Variants in COQ8B observed in about 807,000 individuals in gnomAD.
The protein encoded by COQ8B is atypical kinase COQ8B, mitochondrial.
A neutral mutation model predicts 62.0 loss-of-function variants in COQ8B; 44 were observed. The ratio of observed to expected loss-of-function variants is 0.71; its 90% confidence interval spans 0.56 to 0.91. The LOEUF is 0.91. Ranked by LOEUF, COQ8B falls within the 40% of genes least tolerant of loss-of-function variation. The probability of loss-of-function intolerance (pLI) is 0.00; values close to 1 mark genes in which losing one functional copy is unlikely to be tolerated. For missense variants in COQ8B, 649 were observed against 731.6 expected, an observed-to-expected ratio of 0.89 and a Z score of 1.30; for synonymous variants, 252 against 289.9, an observed-to-expected ratio of 0.87 and a Z score of 1.33.
At chr19:40,716,135 G>A (rs895448654) in intron 1 of COQ8B, among the ~76,000 whole-genome samples, 1 of 152,046 alleles carries the variant, frequency 6.6e-6, no homozygotes, top group Admixed American at 6.6e-5. Flanking sequence ...GAGGTACTAG[G>A]TGGGCTCCTG....
chr19:40,696,899 C>G (rs1168648781), intron 12 of COQ8B, among the ~76,000 whole-genome samples: 1 of 152,324 alleles, frequency 6.6e-6, no homozygotes, highest in African/African-American at 2.4e-5. Context: ...CTGTCGTTCT[C>G]CTGCAACTTG....
chr19:40,694,355 T>A (rs1244233824), intron 13 of COQ8B, among the ~76,000 whole-genome samples: 1 of 152,230 alleles, frequency 6.6e-6, no homozygotes, highest in Non-Finnish European at 1.5e-5. Flanking sequence ...AAATTCTGAC[T>A]GCATCCCTTC....
chr19:40,715,056 C>G (rs2082175151), intron 1 of COQ8B: 32 of 991,380 alleles, frequency 3.2e-5, no homozygotes, highest in East Asian at 1.1e-4. Flanking sequence ...TAAGCACCCA[C>G]TGCTCTCAGC....
intron 5 of COQ8B, chr19:40,708,100 A>C (rs2082114552): frequency 6.6e-6 from 1 of 152,186 alleles, no homozygotes; most frequent in African/African-American, 2.4e-5. Flanking sequence ...CTTTGCACAG[A>C]GGCCGTGCTA....
At chr19:40,700,654 T>G in intron 10 of COQ8B, 1 of 624,758 alleles carries the variant, frequency 1.6e-6, no homozygotes, top group Non-Finnish European at 2.7e-6. Context: ...CCAAGGTGCC[T>G]ACTCTGCACC....
chr19:40,707,482 G>A (rs868582901), intron 5 of COQ8B, among the ~76,000 whole-genome samples: 1 of 149,362 alleles, frequency 6.7e-6, no homozygotes, highest in Non-Finnish European at 1.5e-5. Context: ...ACAGTGTCTC[G>A]CTCTGTCTCC....
chr19:40,713,269 C>T (rs1345639606), intron 4 of COQ8B, among the ~76,000 whole-genome samples: 2 of 152,162 alleles, frequency 1.3e-5, no homozygotes, highest in Non-Finnish European at 2.9e-5. Flanking sequence ...CTTGGGAAGG[C>T]TGAGGCAGGC....
At position 40,692,346 on chromosome 19, in the gene COQ8B, C is replaced by T. The variant is rs763929551; in HGVS notation, c.1324G>A (p.Val442Met). Reference protein sequence around the residue: ...KAFSDAHVEAVMILGEPFATQ... With the variant: ...KAFSDAHVEAMMILGEPFATQ... ...GCGAAAGGCTCCCCCAGGATCATCA[C>T]TGCCTCCACGTGGGCGTCGGAGAAT... The change falls in exon 15 of 15, where the codon GTG (valine) becomes ATG (methionine). Residue 442 changes from valine (V) to methionine (M), a missense_variant. By Grantham distance (21) the Val-to-Met change is conservative. Transcript: ENST00000324464. 1.1e-5 allele frequency: 17 copies of T among 1,613,504 alleles called. No homozygotes were observed. The African/African-American group carries it at 2.1e-4, about 20-fold the overall frequency.
At chr19:40,696,792 CATTT>C (rs1448303500) in intron 12 of COQ8B, among the ~76,000 whole-genome samples, 1 of 152,164 alleles carries the variant, frequency 6.6e-6, no homozygotes, top group African/African-American at 2.4e-5. Context: ...CTGAAATTCT[CATTT>C]ATGCATTTCT....
intron 14 of COQ8B, 30 bp downstream of exon 14, chr19:40,692,921 C>T (rs2081985318): frequency 6.2e-7 from 1 of 1,604,308 alleles, no homozygotes; most frequent in Non-Finnish European, 8.5e-7. Context: ...CAACAGACAC[C>T]AGCCCCTTTC....
At position 40,713,946 on chromosome 19, in the gene COQ8B, GTC is replaced by G. The variant is rs946789854; in HGVS notation, c.289+119_289+120del. The stretch of plus-strand genomic sequence containing the variant: ...CTTGGCCTTGCAGGCCCTTGCCTTT[GTC>G]TCTCTTTTTTTGTCTCTCTCTCTTT... On this transcript the variant is annotated intron_variant, in intron 4 of 14. Transcript: ENST00000324464. 5 of 1,089,372 alleles carry G rather than the reference GTC, an allele frequency of 4.6e-6. No individual in the cohort carries two copies. The African/African-American group carries it at 6.3e-5, about 14-fold the overall frequency. The allele number at this position is 1,089,372 out of a possible 1,614,324, so 67.5% of individuals were successfully genotyped here. A position where few individuals can be genotyped will look rare whatever the true frequency, so the allele number is the denominator to read the frequency against.
intron 5 of COQ8B, among the ~76,000 whole-genome samples, chr19:40,705,995 A>G (rs2082098272): frequency 6.6e-6 from 1 of 152,092 alleles, no homozygotes; most frequent in Non-Finnish European, 1.5e-5. Context: ...AAATTGCAGG[A>G]GAGTCAAAGA....
At chr19:40,695,669 T>C (rs2144684191) in intron 13 of COQ8B, among the ~76,000 whole-genome samples, 1 of 152,224 alleles carries the variant, frequency 6.6e-6, no homozygotes, top group African/African-American at 2.4e-5. Flanking sequence ...ACCACCTGAA[T>C]TTGAATCCCA....
At position 40,707,121 on chromosome 19, in the gene COQ8B, T is replaced by C. The variant is rs2082106327; in HGVS notation, c.368-1674A>G. Among the ~76,000 whole-genome samples the C allele has an allele frequency of 5.9e-5, 9 of 151,894 alleles. No individual in the cohort carries two copies. The South Asian group carries it at 1.9e-3, about 32-fold the overall frequency. Reference sequence around the variant, plus strand: ...CTGTTTCTACAAAAAATACAAAAATTAGCTGGGCATGGTGGTGCATGCCTA... The same window carrying C: ...CTGTTTCTACAAAAAATACAAAAATCAGCTGGGCATGGTGGTGCATGCCTA... On this transcript the variant is annotated intron_variant, in intron 5 of 14. Coordinates refer to ENST00000324464, the MANE Select transcript of COQ8B (RefSeq NM_024876.4).
At chr19:40,708,324 T>C (rs2082116288) in intron 5 of COQ8B, among the ~76,000 whole-genome samples, 1 of 152,014 alleles carries the variant, frequency 6.6e-6, no homozygotes, top group South Asian at 2.1e-4. Flanking sequence ...CACTCTAGCC[T>C]GGGTGACAGC....
chr19:40,695,846 G>T, intron 13 of COQ8B, 143 bp downstream of exon 13: 1 of 812,412 alleles, frequency 1.2e-6, no homozygotes, highest in Non-Finnish European at 2.1e-6. Flanking sequence ...TTAAGTGCTT[G>T]GTGTGTGCTA....
intron 4 of COQ8B, among the ~76,000 whole-genome samples, chr19:40,711,459 C>T (rs905156803): frequency 6.6e-6 from 1 of 152,030 alleles, no homozygotes; most frequent in African/African-American, 2.4e-5. Flanking sequence ...CCAGAACTCA[C>T]GTGATCCTCC....
At position 40,692,071 on chromosome 19, in the gene COQ8B, G is replaced by A; in HGVS notation, c.1599C>T (p.Leu533=). 2 of 1,608,114 alleles carry A rather than the reference G, an allele frequency of 1.2e-6. No homozygotes were observed. The highest frequency in any genetic ancestry group is 1.7e-4 in the Middle Eastern group (1 of 5,896). The change falls in exon 15 of 15, where the codon CTC becomes CTT. Residue 533 remains leucine, a synonymous_variant. Transcript: ENST00000324464. ...CCACCCAGGAGTCCCCTTTGGTGGG[G>A]AGGCTGCCGGCAGTGGCTGCGTCTG... ...RQPDAATAGS[L]PTKGDSWVDP...
rs752776420 is a variant in COQ8B at position 40,700,468 on chromosome 19, G to A, written c.894-17C>T. On this transcript the variant is annotated splice_polypyrimidine_tract_variant and intron_variant, in intron 10 of 14. Coordinates refer to ENST00000324464, the MANE Select transcript of COQ8B (RefSeq NM_024876.4). ...AGCAGCTGCCTGGGGCAGAAGGAAA[G>A]GGAGGAAGGGGACTTCGTGCTTCAG... The A allele has an allele frequency of 1.2e-5, 20 of 1,610,050 alleles. No homozygotes were observed. The highest frequency in any genetic ancestry group is 1.4e-5 in the Non-Finnish European group (17 of 1,178,336).
Sources: allele counts gnomAD v4.1 joint callset (sites outside exome capture counted in the v4.1 genomes callset), GRCh38; gene constraint gnomAD v4.1.1; transcripts MANE v1.5; gene names NCBI Gene and HGNC (gene_info 2026-07-23, HGNC 2026-07-21).